The following CDKL3 variants were observed in gnomAD, a reference collection of about 807,000 sequenced individuals.
CDKL3 encodes the protein cyclin dependent kinase like 3.
A neutral mutation model predicts 69.3 loss-of-function variants in CDKL3; 65 were observed. That is an observed-to-expected ratio of 0.94 (90% confidence interval 0.77 to 1.15). The LOEUF (loss-of-function observed/expected upper bound fraction) is 1.15. Ranked by LOEUF, CDKL3 falls within the 50% of genes most tolerant of loss-of-function variation. The pLI, the probability that CDKL3 is intolerant of heterozygous loss-of-function variation, is 0.00. For synonymous variants in CDKL3, 202 were observed against 221.6 expected (o/e 0.91, Z 0.79); for missense variants, 652 against 689.2 (o/e 0.95, Z 0.61).
At chr5:134,289,933 C>T (rs1230620156) in intron 8 of CDKL3, among the ~76,000 whole-genome samples, 2 of 151,836 alleles carry the variant, frequency 1.3e-5, no homozygotes, top group Non-Finnish European at 2.9e-5. Context: ...TGTTTTTTTT[C>T]CTCAAGTGAC....
chr5:134,299,666 G>C (rs1765835987), intron 12 of CDKL3: 1 of 1,526,746 alleles, frequency 6.5e-7, no homozygotes, highest in Middle Eastern at 1.8e-4. Context: ...AGTGATTCTG[G>C]GATTCCCTGA....
chr5:134,298,732 G>C, intron 12 of CDKL3, 22 bp from the exon 13 acceptor site: 1 of 1,608,208 alleles, frequency 6.2e-7, no homozygotes, highest in Non-Finnish European at 8.5e-7. Flanking sequence ...AACCAAGCTA[G>C]TAAGAATCAG....
chr5:134,319,532 G>T (rs1296027280), intron 5 of CDKL3, 35 bp from the exon 6 acceptor site: 11 of 1,477,836 alleles, frequency 7.4e-6, no homozygotes, highest in Non-Finnish European at 1.0e-5. Flanking sequence ...TTAAAAAACA[G>T]AGAAATAGTC....
At chr5:134,283,535 G>A (rs1413695492), downstream of CDKL3, among the ~76,000 whole-genome samples, 1 of 147,396 alleles carries the variant, frequency 6.8e-6, no homozygotes, top group Non-Finnish European at 1.5e-5. Flanking sequence ...CACAAGAACA[G>A]CATGGAAAAA....
At chr5:134,283,426 A>G (rs1201851884), downstream of CDKL3, among the ~76,000 whole-genome samples, 1 of 152,210 alleles carries the variant, frequency 6.6e-6, no homozygotes, top group Non-Finnish European at 1.5e-5. Flanking sequence ...GGCAAGGAGC[A>G]GCAAGTCACA....
At chr5:134,339,577 T>C (rs538807276) in intron 4 of CDKL3, among the ~76,000 whole-genome samples, 1 of 152,230 alleles carries the variant, frequency 6.6e-6, no homozygotes, top group South Asian at 2.1e-4. Context: ...CTAATAACTA[T>C]CTTTAGAACA....
chr5:134,324,259 A>G (rs1448834209), intron 4 of CDKL3, among the ~76,000 whole-genome samples: 1 of 152,248 alleles, frequency 6.6e-6, no homozygotes, highest in African/African-American at 2.4e-5. Context: ...ACAAAATTAC[A>G]CAGTCACTTT....
Position 134,298,628 on chromosome 5 carries a change from T to G in CDKL3, c.*23A>C. ...GGAAGAGTTGTCATCTTGTATTTTT[T>G]GGACTATGTAAAAGAAAAGACACTA... On this transcript the variant is annotated 3_prime_UTR_variant, in exon 13 of 13. Coordinates refer to ENST00000265334, the MANE Select transcript of CDKL3 (RefSeq NM_001113575.2). The G allele has an allele frequency of 6.2e-7, 1 of 1,605,942 alleles. No individual in the cohort carries two copies. The highest frequency in any genetic ancestry group is 1.3e-5 in the African/African-American group (1 of 74,328).
chr5:134,302,579 A>G lies in CDKL3; in HGVS notation c.1719+11T>C. 1 of 1,439,526 alleles carries G rather than the reference A, an allele frequency of 6.9e-7. No individual in the cohort carries two copies. The highest frequency in any genetic ancestry group is 9.7e-7 in the Non-Finnish European group (1 of 1,030,404). The allele number at this position is 1,439,526 out of a possible 1,614,324, so 89.2% of individuals were successfully genotyped here. A position where few individuals can be genotyped will look rare whatever the true frequency, so the allele number is the denominator to read the frequency against. On this transcript the variant is annotated intron_variant, in intron 12 of 12. Transcript: ENST00000265334. ...CATGCCTTAGTAAAAGCTATATACA[A>G]AAAGAGTTACCTCTTGTTTTTCTTG...
In CDKL3 at chr5:134,366,548, TATAGAA is replaced by T. The variant is rs766590457; in HGVS notation, c.-21-10_-21-5del. The T allele has an allele frequency of 2.6e-6, 4 of 1,548,452 alleles. No individual in the cohort carries two copies. The South Asian group carries it at 3.6e-5, about 14-fold the overall frequency. On this transcript the variant is annotated splice_polypyrimidine_tract_variant and splice_region_variant and intron_variant, in intron 1 of 12. Coordinates refer to ENST00000265334, the MANE Select transcript of CDKL3 (RefSeq NM_001113575.2). ...TTTTCAAGCTGGGCTTTTACTACTTTATAGAAATAAAGAAAGAAAATGGAAAATGTT... is the reference window on the plus strand; with the variant it reads ...TTTTCAAGCTGGGCTTTTACTACTTTATAAAGAAAGAAAATGGAAAATGTT...
chr5:134,302,704 C>A lies in CDKL3; in HGVS notation c.1622-17G>T, dbSNP rs1016389002. 1.5e-6 allele frequency: 2 copies of A among 1,333,034 alleles called. No individual in the cohort carries two copies. Among genetic ancestry groups the A allele is most frequent in the Non-Finnish European group, 2.1e-6 (2 of 960,442 alleles). 82.6% of individuals were successfully genotyped at this position (1,333,034 alleles called of 1,614,324 possible). On this transcript the variant is annotated splice_polypyrimidine_tract_variant and intron_variant, in intron 11 of 12. Coordinates refer to ENST00000265334, the MANE Select transcript of CDKL3 (RefSeq NM_001113575.2). ...TCTGTTTAACTTTTGCAAAAATATA[C>A]AAAACAATGAAAATTTGTTATTCCT...
At chr5:134,329,701 C>T (rs912184565) in intron 4 of CDKL3, among the ~76,000 whole-genome samples, 1 of 151,958 alleles carries the variant, frequency 6.6e-6, no homozygotes, top group Non-Finnish European at 1.5e-5. Context: ...CATCTCCTGA[C>T]CTCGTGATCC....
At chr5:134,340,601 ATAACT>A (rs1434823023) in intron 4 of CDKL3, among the ~76,000 whole-genome samples, 1 of 152,198 alleles carries the variant, frequency 6.6e-6, no homozygotes, top group Non-Finnish European at 1.5e-5. Context: ...AACAGATTAG[ATAACT>A]TAGATTAAAT....
At chr5:134,294,980 G>A (rs1765282142), downstream of CDKL3, among the ~76,000 whole-genome samples, 1 of 150,020 alleles carries the variant, frequency 6.7e-6, no homozygotes, top group Non-Finnish European at 1.5e-5. Context: ...TTTGTATCAT[G>A]CTCGTGAATT....
intron 4 of CDKL3, among the ~76,000 whole-genome samples, chr5:134,326,829 A>ATGTGTG (rs780866668): frequency 0.068 from 5,809 of 85,796 alleles, 235 homozygotes; most frequent in East Asian, 0.14. Context: ...ATATATATAT[A>ATGTGTG]TATATATATA....
chr5:134,368,822 G>A (rs1758012342), upstream of CDKL3, among the ~76,000 whole-genome samples: 1 of 152,040 alleles, frequency 6.6e-6, no homozygotes, highest in African/African-American at 2.4e-5. Context: ...CAGATCACTT[G>A]AGCCCAGGAG....
intron 6 of CDKL3, among the ~76,000 whole-genome samples, chr5:134,315,295 A>G (rs1199389865): frequency 1.3e-5 from 2 of 152,148 alleles, no homozygotes; most frequent in African/African-American, 4.8e-5. Flanking sequence ...TTCACAAATC[A>G]ATAAGATAAA....
Position 134,364,229 on chromosome 5 carries a change from C to T in CDKL3, c.165+2130G>A, listed in dbSNP as rs1332763100. On this transcript the variant is annotated intron_variant, in intron 2 of 12. Transcript: ENST00000265334. Reference sequence around the variant, plus strand: ...CCCTAAGGAATGTTAATGCTCCTTTCTCCACACTCCTCAGTTGTTTCTCCT... The same window carrying T: ...CCCTAAGGAATGTTAATGCTCCTTTTTCCACACTCCTCAGTTGTTTCTCCT... Among the ~76,000 whole-genome samples, 3 of 152,126 alleles carry T rather than the reference C, an allele frequency of 2.0e-5. No individual in the cohort carries two copies. The East Asian group carries it at 5.8e-4, about 29-fold the overall frequency.
At chr5:134,314,933 T>C (rs1321665120) in intron 6 of CDKL3, among the ~76,000 whole-genome samples, 2 of 152,118 alleles carry the variant, frequency 1.3e-5, no homozygotes, top group Non-Finnish European at 1.5e-5. Context: ...CATGTGTGTA[T>C]ACATGCATCA....
Sources: allele counts gnomAD v4.1 joint callset (sites outside exome capture counted in the v4.1 genomes callset), GRCh38; gene constraint gnomAD v4.1.1; transcripts MANE v1.5; gene names NCBI Gene and HGNC (gene_info 2026-07-23, HGNC 2026-07-21).